The following IFTAP variants were observed in gnomAD, a reference collection of about 807,000 sequenced individuals.
IFTAP encodes the protein intraflagellar transport-associated protein.
Under a neutral mutation model 19.4 loss-of-function variants are expected in IFTAP, and 19 were observed. The ratio of observed to expected loss-of-function variants is 0.98; its 90% CI spans 0.68 to 1.44. The LOEUF is 1.44. Ranked by LOEUF, IFTAP falls within the 40% of genes most tolerant of loss-of-function variation. IFTAP has a pLI of 0.00. For missense variants in IFTAP, 240 were observed against 253.6 expected (o/e 0.95, Z 0.36); for synonymous variants, 85 against 83.5 (o/e 1.02, Z -0.10).
intron 2 of IFTAP, among the ~76,000 whole-genome samples, chr11:36,613,843 G>A (rs906143170): frequency 6.6e-6 from 1 of 151,810 alleles, no homozygotes; most frequent in East Asian, 1.9e-4. Flanking sequence ...TAAACACTAC[G>A]TCTTCAAGAC....
chr11:36,603,545 T>C (rs886777173), intron 1 of IFTAP, among the ~76,000 whole-genome samples: 1 of 152,220 alleles, frequency 6.6e-6, no homozygotes, highest in South Asian at 2.1e-4. Context: ...TCCAGGCTTC[T>C]GCAATGTTAA....
chr11:36,629,832 T>C (rs2133443217), intron 2 of IFTAP, among the ~76,000 whole-genome samples: 1 of 151,364 alleles, frequency 6.6e-6, no homozygotes, highest in South Asian at 2.1e-4. Flanking sequence ...TTCAGAATAA[T>C]GAAACCTCGA....
At chr11:36,599,660 G>A (rs1439723021) in intron 1 of IFTAP, among the ~76,000 whole-genome samples, 23 of 152,002 alleles carry the variant, frequency 1.5e-4, no homozygotes, top group Admixed American at 1.4e-3. Flanking sequence ...TTAAACAGAT[G>A]TATGTAGCTC....
chr11:36,611,371 A>T lies in IFTAP; in HGVS notation c.136+1132A>T, dbSNP rs1851869698. The stretch of plus-strand genomic sequence containing the variant: ...GAGCCCACTCTAAAGCTCAGCTAGG[A>T]TCAAGGGATTCGTATTTTATTAAAA... On this transcript the variant is annotated intron_variant, in intron 2 of 5. Coordinates refer to ENST00000334307, the MANE Select transcript of IFTAP (RefSeq NM_138787.4). 2.0e-5 allele frequency among the ~76,000 whole-genome samples: 3 copies of T among 152,004 alleles called. No homozygotes were observed. In the South Asian group the frequency reaches 6.2e-4, roughly 31 times the overall value.
intron 2 of IFTAP, among the ~76,000 whole-genome samples, chr11:36,612,066 C>T (rs187438816): frequency 4.9e-4 from 74 of 152,090 alleles, no homozygotes; most frequent in Admixed American, 1.8e-3. Flanking sequence ...AAACTTTTTG[C>T]AAGGACTTTG....
chr11:36,651,541 A>G (rs1443291538), intron 5 of IFTAP, among the ~76,000 whole-genome samples: 1 of 152,150 alleles, frequency 6.6e-6, no homozygotes, highest in African/African-American at 2.4e-5. Flanking sequence ...TGCTGTGCAG[A>G]AGCTCTTTAG....
In IFTAP at chr11:36,610,167, G is replaced by A; in HGVS notation, c.64G>A (p.Asp22Asn). The change falls in exon 2 of 6, where the codon GAT becomes AAT. Residue 22 changes from aspartate (D) to asparagine (N), a missense_variant. Asp to Asn is a conservative substitution (Grantham distance 23). Coordinates refer to ENST00000334307, the MANE Select transcript of IFTAP (RefSeq NM_138787.4). The part of the protein sequence containing the change: ...DEDQLIKDVL[D>N]KFLNCHEQTY... The stretch of plus-strand genomic sequence containing the variant: ...AGATCAATTAATCAAAGACGTCTTG[G>A]ATAAATTCCTTAATTGTCATGAGCA... 1.2e-6 allele frequency: 2 copies of A among 1,611,150 alleles called. No individual in the cohort carries two copies. The highest frequency in any genetic ancestry group is 1.7e-6 in the Non-Finnish European group (2 of 1,177,518).
chr11:36,659,076 G>A lies in IFTAP; in HGVS notation c.556G>A (p.Val186Met). ...TGATGAAGAATTTGATTATGACAAT[G>A]TGATGCTAACCTCCAAGTTTAGTCC... ...SLDEEFDYDN[V>M]MLTSKFSPAE... is the part of the protein sequence containing the mutation. The change falls in exon 6 of 6, where the codon GTG becomes ATG. Residue 186 changes from valine (V) to methionine (M), a missense_variant. Val to Met is a conservative substitution (Grantham distance 21, BLOSUM62 1). Coordinates refer to ENST00000334307, the MANE Select transcript of IFTAP (RefSeq NM_138787.4). 1 of 1,609,336 alleles carries A rather than the reference G, an allele frequency of 6.2e-7. No homozygotes were observed.
intron 3 of IFTAP, 132 bp downstream of exon 3, chr11:36,633,570 A>T (rs527657366): frequency 1.7e-6 from 1 of 605,708 alleles, no homozygotes; most frequent in South Asian, 6.7e-5. Flanking sequence ...AAGGAGTGCC[A>T]TTGGGGCACT....
At chr11:36,597,157 A>C (rs1343799109) in intron 1 of IFTAP, among the ~76,000 whole-genome samples, 1 of 152,228 alleles carries the variant, frequency 6.6e-6, no homozygotes, top group East Asian at 1.9e-4. Context: ...ATAAACAGGA[A>C]CATTGAAAGT....
rs140692560 is a variant in IFTAP at position 36,626,896 on chromosome 11, C to T, written c.137-6388C>T. On this transcript the variant is annotated intron_variant, in intron 2 of 5. Coordinates refer to ENST00000334307, the MANE Select transcript of IFTAP (RefSeq NM_138787.4). ...GGATTAGTAATGACAGTCCTTAGGT[C>T]AAACTCAGTATCATAATTAAGGGGG... 1.5e-3 allele frequency among the ~76,000 whole-genome samples: 231 copies of T among 151,076 alleles called. 16 individuals are homozygous for T. The highest frequency in any genetic ancestry group is 5.5e-3 in the African/African-American group (221 of 40,476).
intron 1 of IFTAP, among the ~76,000 whole-genome samples, chr11:36,605,273 C>T (rs1284462144): frequency 1.4e-5 from 2 of 143,988 alleles, no homozygotes; most frequent in African/African-American, 2.6e-5. Flanking sequence ...TTAACCACCT[C>T]CCCCCTGCCC....
chr11:36,614,179 T>C (rs1851981823), intron 2 of IFTAP, among the ~76,000 whole-genome samples: 1 of 146,512 alleles, frequency 6.8e-6, no homozygotes, highest in African/African-American at 2.6e-5. Flanking sequence ...TTTGGTTTTT[T>C]GTTCTTGCGA....
chr11:36,647,992 G>C (rs1395709237), intron 4 of IFTAP, 24 bp from the exon 5 acceptor site: 4 of 1,606,604 alleles, frequency 2.5e-6, no homozygotes, highest in Non-Finnish European at 2.6e-6. Context: ...GAAAGGCTCA[G>C]TTGAAATGTT....
chr11:36,624,606 T>C (rs1036030512), intron 2 of IFTAP, among the ~76,000 whole-genome samples: 18 of 152,130 alleles, frequency 1.2e-4, no homozygotes, highest in African/African-American at 2.4e-5. Flanking sequence ...GAGAGAGAAA[T>C]CAAATTCTTG....
intron 2 of IFTAP, among the ~76,000 whole-genome samples, chr11:36,614,763 GTTGT>G (rs1207266922): frequency 6.7e-6 from 1 of 149,234 alleles, no homozygotes; most frequent in Non-Finnish European, 1.5e-5. Context: ...TTTTGATGGG[GTTGT>G]TTGTTTTTTC....
chr11:36,601,984 C>T (rs1851526182), intron 1 of IFTAP, among the ~76,000 whole-genome samples: 1 of 152,066 alleles, frequency 6.6e-6, no homozygotes, highest in Non-Finnish European at 1.5e-5. Flanking sequence ...GTATAGAAAC[C>T]ATATTGGCAA....
At chr11:36,649,389 T>A (rs543974119) in intron 5 of IFTAP, among the ~76,000 whole-genome samples, 1 of 152,266 alleles carries the variant, frequency 6.6e-6, no homozygotes, top group South Asian at 2.1e-4. Context: ...TTCTCTGAGT[T>A]GTAAAAAGCT....
rs144226692 is a variant in IFTAP, at chr11:36,602,890, T to G, written c.-23-7191T>G. On this transcript the variant is annotated intron_variant, in intron 1 of 5. Coordinates refer to ENST00000334307, the MANE Select transcript of IFTAP (RefSeq NM_138787.4). ...GCATTCTTTTTGATTTCAAAAACAA[T>G]GGATTTCCTGAGATTTGTCTTATGA... is the stretch of plus-strand genomic sequence containing the variant. Among the ~76,000 whole-genome samples the G allele has an allele frequency of 7.2e-3, 1,102 of 152,120 alleles. 11 individuals are homozygous for G. Among genetic ancestry groups the G allele is most frequent in the African/African-American group, 0.025 (1,043 of 41,502 alleles).
Sources: gnomAD v4.1 joint callset for allele counts (sites outside exome capture counted in the v4.1 genomes callset) on GRCh38, gnomAD v4.1.1 for gene constraint, MANE v1.5 for transcripts, NCBI Gene and HGNC (gene_info 2026-07-23, HGNC 2026-07-21) for gene names.